The following UNC13B variants were observed in gnomAD, a reference collection of about 807,000 sequenced individuals.
UNC13B encodes protein unc-13 homolog B.
UNC13B carries 144 observed loss-of-function variants against 211.0 expected under a neutral mutation model. The ratio of observed to expected loss-of-function variants is 0.68; its 90% CI spans 0.60 to 0.78. The LOEUF is 0.78. Ranked by LOEUF, UNC13B falls within the 30% of genes least tolerant of loss-of-function variation. The pLI, the probability that UNC13B is intolerant of heterozygous loss-of-function variation, is 0.00. For missense variants in UNC13B, 1,777 were observed against 2,002.0 expected, an observed-to-expected ratio of 0.89 and a Z score of 2.14; for synonymous variants, 709 against 725.8, an observed-to-expected ratio of 0.98 and a Z score of 0.37.
intron 6 of UNC13B, among the ~76,000 whole-genome samples, chr9:35,249,301 C>G (rs917625436): frequency 6.6e-6 from 1 of 152,110 alleles, no homozygotes; most frequent in Non-Finnish European, 1.5e-5. Flanking sequence ...AGTCTTGACT[C>G]TTTATCCAAT....
chr9:35,236,559 G>C lies in UNC13B; in HGVS notation c.243G>C (p.Ala81=), dbSNP rs138015822. 7 of 1,613,998 alleles carry C rather than the reference G, an allele frequency of 4.3e-6. No individual in the cohort carries two copies. Among genetic ancestry groups the C allele is most frequent in the Non-Finnish European group, 5.9e-6 (7 of 1,179,936 alleles). The part of the protein sequence containing the change: ...WDTMVGTVWI[A]LKTIRQSDEE... ...CCATGGTGGGGACTGTGTGGATTGC[G>C]CTGAAGACTATTCGTCAGTCGGATG... is the stretch of plus-strand genomic sequence containing the variant. The change falls in exon 4 of 40, where the codon GCG becomes GCC. Residue 81 remains alanine, a synonymous_variant. Coordinates refer to ENST00000635942, the MANE Select transcript of UNC13B (RefSeq NM_001371189.2).
At chr9:35,399,327 C>G in intron 34 of UNC13B, 43 bp downstream of exon 34, 1 of 1,614,188 alleles carries the variant, frequency 6.2e-7, no homozygotes, top group Non-Finnish European at 8.5e-7. Flanking sequence ...TCTCCCTTCC[C>G]CTCACTCCCT....
chr9:35,179,953 A>C (rs1354260976), intron 1 of UNC13B, among the ~76,000 whole-genome samples: 1 of 152,228 alleles, frequency 6.6e-6, no homozygotes, highest in Non-Finnish European at 1.5e-5. Flanking sequence ...AATTAGGTAG[A>C]TGGATGGCTA....
At chr9:35,254,908 T>C (rs1436856704) in intron 6 of UNC13B, among the ~76,000 whole-genome samples, 1 of 90,268 alleles carries the variant, frequency 1.1e-5, no homozygotes, top group African/African-American at 3.7e-5. Context: ...ACGTATATAA[T>C]ATATAATATA....
At chr9:35,343,769 G>A (rs1270871423) in intron 11 of UNC13B, among the ~76,000 whole-genome samples, 1 of 151,866 alleles carries the variant, frequency 6.6e-6, no homozygotes, top group Admixed American at 6.6e-5. Context: ...TGTCCAATGT[G>A]GTAGCTACTG....
At position 35,317,518 on chromosome 9, in the gene UNC13B, CTT is replaced by C. The variant is rs748345363; in HGVS notation, c.9414+3550_9414+3551del. ...GAGCCACTGCATCTGGCTAAAGAAG[CTT>C]TTTTTTTTTTTTTTTTTTTTAAGAC... On this transcript the variant is annotated intron_variant, in intron 11 of 39. Coordinates refer to ENST00000635942, the MANE Select transcript of UNC13B (RefSeq NM_001371189.2). 2.7e-3 allele frequency among the ~76,000 whole-genome samples: 261 copies of C among 97,638 alleles called. 1 individual carries two copies. Among genetic ancestry groups the C allele is most frequent in the African/African-American group, 7.6e-3 (176 of 23,048 alleles). 64.1% of individuals were successfully genotyped at this position (97,638 alleles called of 152,430 possible).
At chr9:35,348,074 T>TAAAACA (rs964269748) in intron 11 of UNC13B, among the ~76,000 whole-genome samples, 22 of 152,084 alleles carry the variant, frequency 1.4e-4, no homozygotes, top group African/African-American at 5.3e-4. Flanking sequence ...CCATCTCTAC[T>TAAAACA]AAAACAAAAA....
intron 11 of UNC13B, among the ~76,000 whole-genome samples, chr9:35,331,093 C>A (rs1289087207): frequency 6.6e-6 from 1 of 152,142 alleles, no homozygotes; most frequent in Non-Finnish European, 1.5e-5. Flanking sequence ...TCTTTACCAC[C>A]ACCTTCTCTG....
At chr9:35,319,583 A>C (rs930794162) in intron 11 of UNC13B, among the ~76,000 whole-genome samples, 2 of 151,924 alleles carry the variant, frequency 1.3e-5, no homozygotes, top group Admixed American at 6.6e-5. Context: ...TCCTCCCTCT[A>C]GTAGTCTACA....
intron 11 of UNC13B, among the ~76,000 whole-genome samples, chr9:35,322,178 C>A (rs1830769814): frequency 6.6e-6 from 1 of 152,102 alleles, no homozygotes; most frequent in African/African-American, 2.4e-5. Flanking sequence ...GAGTACATGG[C>A]CATATGTACT....
intron 34 of UNC13B, 35 bp from the exon 35 acceptor site, chr9:35,399,357 G>T (rs1403342894): frequency 6.2e-7 from 1 of 1,614,056 alleles, no homozygotes; most frequent in South Asian, 1.1e-5. Flanking sequence ...TGGAGTTGGG[G>T]TCCTCTGCTT....
At position 35,300,279 on chromosome 9, in the gene UNC13B, A is replaced by G. The variant is rs1829609387; in HGVS notation, c.875A>G (p.Asn292Ser). 2.5e-6 allele frequency: 1 copy of G among 398,936 alleles called. No individual in the cohort carries two copies. Among genetic ancestry groups the G allele is most frequent in the Non-Finnish European group, 4.4e-6 (1 of 226,040 alleles). The allele number at this position is 398,936 out of a possible 1,614,324, so 24.7% of individuals were successfully genotyped here. Residue 292 changes from asparagine to serine, a missense_variant, in exon 9 of 40, where the codon AAC becomes AGC. By Grantham distance (46) the Asn-to-Ser change is conservative. Transcript: ENST00000635942. ...GGTGAGAGATCTGAAACTAAGACTA[A>G]CTACAAAAGTACATATTCTAATACT... ...QYGERSETKT[N>S]YKSTYSNTEN...
intron 1 of UNC13B, among the ~76,000 whole-genome samples, chr9:35,195,681 A>G (rs1382773697): frequency 6.6e-6 from 1 of 152,166 alleles, no homozygotes; most frequent in Non-Finnish European, 1.5e-5. Flanking sequence ...ACCCTTTTTC[A>G]TAATTCTCAG....
chr9:35,280,996 A>T (rs1157676749), intron 7 of UNC13B, among the ~76,000 whole-genome samples: 1 of 152,054 alleles, frequency 6.6e-6, no homozygotes, highest in African/African-American at 2.4e-5. Flanking sequence ...GCTTCTTGTT[A>T]TAGGTTTCAT....
chr9:35,234,155 G>T (rs942573385), intron 3 of UNC13B, among the ~76,000 whole-genome samples: 2 of 152,018 alleles, frequency 1.3e-5, no homozygotes, highest in African/African-American at 4.8e-5. Flanking sequence ...TCACTCTGTT[G>T]CCCAGGCTGG....
intron 7 of UNC13B, among the ~76,000 whole-genome samples, chr9:35,263,411 G>T (rs910722434): frequency 6.6e-6 from 1 of 150,574 alleles, no homozygotes. Flanking sequence ...ACCCCTGCAC[G>T]TACCAAAATC....
chr9:35,318,099 C>T (rs1417940137), intron 11 of UNC13B, among the ~76,000 whole-genome samples: 3 of 151,916 alleles, frequency 2.0e-5, no homozygotes, highest in Non-Finnish European at 4.4e-5. Flanking sequence ...AAACAGTTGC[C>T]AAAGCTTGGA....
chr9:35,329,048 T>G (rs974784796), intron 11 of UNC13B, among the ~76,000 whole-genome samples: 6 of 151,692 alleles, frequency 4.0e-5, no homozygotes, highest in Non-Finnish European at 7.4e-5. Context: ...TGGGATTACA[T>G]GCGTGAGCCA....
chr9:35,374,317 C>G (rs1253902263), intron 13 of UNC13B, among the ~76,000 whole-genome samples: 1 of 124,414 alleles, frequency 8.0e-6, no homozygotes, highest in Non-Finnish European at 1.6e-5. Context: ...GCAGCCCCAG[C>G]TCTCAGACTT....
Sources: allele counts gnomAD v4.1 joint callset (sites outside exome capture counted in the v4.1 genomes callset), GRCh38; gene constraint gnomAD v4.1.1; transcripts MANE v1.5; gene names NCBI Gene and HGNC (gene_info 2026-07-23, HGNC 2026-07-21).